Variants in PHF20 observed in about 807,000 individuals in gnomAD.
PHF20 encodes the protein PHD finger protein 20.
PHF20 carries 23 observed loss-of-function variants against 113.5 expected under a neutral mutation model. That is an observed-to-expected ratio of 0.20 (90% CI 0.15 to 0.29). PHF20 has a LOEUF of 0.29. PHF20 is among the 10% of genes least tolerant of loss of function. The pLI is 1.00. For synonymous variants in PHF20, 434 were observed against 457.3 expected (o/e 0.95, Z 0.65); for missense variants, 943 against 1,219.6 (o/e 0.77, Z 3.38).
intron 9 of PHF20, among the ~76,000 whole-genome samples, chr20:35,879,603 A>G (rs866433740): frequency 1.1e-4 from 17 of 152,094 alleles, no homozygotes; most frequent in African/African-American, 3.9e-4. Flanking sequence ...AAACTTTTAT[A>G]TACCATCGAA....
chr20:35,859,052 CCA>C, intron 5 of PHF20, among the ~76,000 whole-genome samples: 1 of 152,306 alleles, frequency 6.6e-6, no homozygotes, highest in Admixed American at 6.5e-5. Context: ...GAGGAGACCT[CCA>C]GTATGTTTTC....
At chr20:35,779,492 G>A (rs571528313) in intron 1 of PHF20, among the ~76,000 whole-genome samples, 169 of 150,870 alleles carry the variant, frequency 1.1e-3, no homozygotes, top group Non-Finnish European at 1.8e-3. Flanking sequence ...TATGGAAAAA[G>A]TCCATAGCTG....
chr20:35,801,465 C>A, intron 1 of PHF20, 26 bp from the exon 2 acceptor site: 1 of 1,283,242 alleles, frequency 7.8e-7, no homozygotes, highest in South Asian at 1.2e-5. Context: ...GCCTAAGTTT[C>A]ATAAATATTT....
intron 1 of PHF20, among the ~76,000 whole-genome samples, chr20:35,793,927 C>T (rs541662964): frequency 7.4e-5 from 10 of 135,932 alleles, no homozygotes; most frequent in South Asian, 4.9e-4. Context: ...ACCTGGGAGG[C>T]GGAGGTTGCA....
intron 4 of PHF20, among the ~76,000 whole-genome samples, chr20:35,854,674 C>T (rs997511546): frequency 6.6e-6 from 1 of 152,098 alleles, no homozygotes; most frequent in Non-Finnish European, 1.5e-5. Context: ...TATCTAAGGA[C>T]GGTCATCCCT....
At chr20:35,930,545 C>T (rs2055733177) in intron 14 of PHF20, among the ~76,000 whole-genome samples, 1 of 152,012 alleles carries the variant, frequency 6.6e-6, no homozygotes, top group African/African-American at 2.4e-5. Context: ...TGGTGGTGCA[C>T]ACCTGTAGTC....
At chr20:35,920,843 C>A (rs1470641510) in intron 13 of PHF20, among the ~76,000 whole-genome samples, 1 of 152,140 alleles carries the variant, frequency 6.6e-6, no homozygotes, top group African/African-American at 2.4e-5. Context: ...TATTTAAGAC[C>A]TTTATTAAAC....
chr20:35,892,782 T>A (rs2054899898), intron 9 of PHF20, among the ~76,000 whole-genome samples: 1 of 152,154 alleles, frequency 6.6e-6, no homozygotes, highest in Admixed American at 6.5e-5. Context: ...TTTCCAGCAG[T>A]GCAGGGTAGA....
chr20:35,898,215 A>G (rs2055027016), intron 9 of PHF20, among the ~76,000 whole-genome samples: 1 of 152,200 alleles, frequency 6.6e-6, no homozygotes, highest in South Asian at 2.1e-4. Flanking sequence ...ATTGTAAAAC[A>G]AAGTACGTGT....
intron 5 of PHF20, among the ~76,000 whole-genome samples, chr20:35,861,631 A>G (rs535289790): frequency 6.6e-6 from 1 of 152,308 alleles, no homozygotes; most frequent in East Asian, 1.9e-4. Context: ...TTTTATTTCT[A>G]GGAATTTATT....
At chr20:35,899,706 T>C in intron 10 of PHF20, 58 bp downstream of exon 10, 2 of 1,550,872 alleles carry the variant, frequency 1.3e-6, no homozygotes, top group Non-Finnish European at 1.8e-6. Flanking sequence ...GCCACAGTGC[T>C]TGTGTTTTCT....
intron 9 of PHF20, among the ~76,000 whole-genome samples, chr20:35,890,996 T>C (rs1568716447): frequency 6.6e-6 from 1 of 152,230 alleles, no homozygotes; most frequent in Non-Finnish European, 1.5e-5. Context: ...CTTATTCCCA[T>C]TTAACAATGA....
chr20:35,893,619 C>CT (rs572584645), intron 9 of PHF20, among the ~76,000 whole-genome samples: 17 of 150,994 alleles, frequency 1.1e-4, no homozygotes, highest in South Asian at 6.3e-4. Context: ...TGGCTTTTTT[C>CT]TTTTTTTGTT....
At chr20:35,869,362 GTTTTA>G (rs2054376036) in intron 6 of PHF20, 71 bp from the exon 7 acceptor site, 11 of 700,246 alleles carry the variant, frequency 1.6e-5, no homozygotes, top group Non-Finnish European at 2.7e-5. Context: ...ATGTATATAT[GTTTTA>G]TTTATATATA....
intron 10 of PHF20, among the ~76,000 whole-genome samples, chr20:35,903,060 TTCCTTTCCTA>T (rs1266522042): frequency 7.1e-6 from 1 of 139,928 alleles, no homozygotes; most frequent in Non-Finnish European, 1.5e-5. Context: ...TTCCTTTCCT[TTCCTTTCCTA>T]TCCTTTCTTT....
At chr20:35,785,404 C>G (rs1181911808) in intron 1 of PHF20, among the ~76,000 whole-genome samples, 1 of 152,104 alleles carries the variant, frequency 6.6e-6, no homozygotes, top group Non-Finnish European at 1.5e-5. Flanking sequence ...ACTGCAACCT[C>G]TGCCTCCTGG....
At chr20:35,819,648 CTGTGTGTGTG>C (rs57252834) in intron 2 of PHF20, among the ~76,000 whole-genome samples, 9 of 147,974 alleles carry the variant, frequency 6.1e-5, no homozygotes, top group East Asian at 3.9e-4. Flanking sequence ...CTTACACCAT[CTGTGTGTGTG>C]TGTGTGTGTG....
intron 10 of PHF20, among the ~76,000 whole-genome samples, chr20:35,901,820 G>C (rs2055103125): frequency 6.6e-6 from 1 of 152,202 alleles, no homozygotes; most frequent in South Asian, 2.1e-4. Flanking sequence ...ATAAGTTTTG[G>C]AGCTGGGCAC....
At chr20:35,785,241 A>T (rs1322577192) in intron 1 of PHF20, among the ~76,000 whole-genome samples, 1 of 152,208 alleles carries the variant, frequency 6.6e-6, no homozygotes, top group Admixed American at 6.6e-5. Context: ...GTGATAAATC[A>T]GTAAATGTTG....
Sources: allele counts gnomAD v4.1 joint callset (sites outside exome capture counted in the v4.1 genomes callset), GRCh38; gene constraint gnomAD v4.1.1; transcripts MANE v1.5; gene names NCBI Gene and HGNC (gene_info 2026-07-23, HGNC 2026-07-21).